Variants in HEATR3 observed in about 807,000 individuals in gnomAD.
HEATR3 encodes the protein HEAT repeat containing 3, also known as HEAT repeat-containing protein 3.
In HEATR3, 56 loss-of-function variants were observed where a neutral mutation model predicts 72.8. The observed-to-expected ratio is 0.77, with a 90% CI of 0.62 to 0.96. The LOEUF is 0.96. Ranked by LOEUF, HEATR3 falls within the 40% of genes least tolerant of loss-of-function variation. HEATR3 has a pLI of 0.00. For synonymous variants in HEATR3, 331 were observed against 318.1 expected, an observed-to-expected ratio of 1.04 and a Z score of -0.43; for missense variants, 747 against 831.4, an observed-to-expected ratio of 0.90 and a Z score of 1.25.
intron 4 of HEATR3, among the ~76,000 whole-genome samples, chr16:50,072,359 A>T (rs1353517851): frequency 2.0e-5 from 3 of 152,238 alleles, no homozygotes; most frequent in African/African-American, 7.2e-5. Context: ...TTCTATAAGG[A>T]AACTGGCATC....
chr16:50,094,800 G>A lies in HEATR3; in HGVS notation c.1599+7G>A. ...CTCCAAGAACATTTCCCAGGTAAGA[G>A]TTTTAAAATTTTTTGTATGAAACTT... On this transcript the variant is annotated splice_region_variant and intron_variant, in intron 12 of 14. Coordinates refer to ENST00000299192, the MANE Select transcript of HEATR3 (RefSeq NM_182922.4). 1 of 1,570,548 alleles carries A rather than the reference G, an allele frequency of 6.4e-7. No individual in the cohort carries two copies. Among genetic ancestry groups the A allele is most frequent in the African/African-American group, 1.4e-5 (1 of 73,368 alleles).
intron 12 of HEATR3, 30 bp downstream of exon 12, chr16:50,094,823 C>T (rs1302351505): frequency 7.1e-7 from 1 of 1,416,936 alleles, no homozygotes; most frequent in Admixed American, 2.0e-5. Flanking sequence ...TTGTATGAAA[C>T]TTGTAAAGAT....
rs1043768095 is a variant in HEATR3, at chr16:50,078,428, A to G, written c.764-313A>G. On this transcript the variant is annotated intron_variant, in intron 6 of 14. Transcript: ENST00000299192. ...TGCTGAGGAGAGCAGCTTAGGTTAC[A>G]ATGAAAGAAAGTGATGCCACTCACT... Among the ~76,000 whole-genome samples the G allele has an allele frequency of 4.6e-5, 7 of 152,196 alleles. No homozygotes were observed. The South Asian group carries it at 1.2e-3, about 27-fold the overall frequency.
At chr16:50,099,769 G>T (rs151090316) in intron 12 of HEATR3, among the ~76,000 whole-genome samples, 8 of 152,202 alleles carry the variant, frequency 5.3e-5, no homozygotes, top group South Asian at 2.1e-4. Context: ...TCCACTACAT[G>T]GTAGAAGCAC....
At chr16:50,070,458 G>T (rs1006977729) in intron 4 of HEATR3, among the ~76,000 whole-genome samples, 168 bp downstream of exon 4, 3 of 152,192 alleles carry the variant, frequency 2.0e-5, no homozygotes, top group Admixed American at 2.0e-4. Context: ...CCAGCACTTT[G>T]GGAGGCCGAG....
chr16:50,077,338 A>G (rs1048539548), intron 6 of HEATR3, among the ~76,000 whole-genome samples: 2 of 137,962 alleles, frequency 1.4e-5, no homozygotes, highest in Non-Finnish European at 3.1e-5. Context: ...TTTTTTTTGT[A>G]GAGATGGCAT....
chr16:50,076,353 A>G (rs570426799), intron 6 of HEATR3, among the ~76,000 whole-genome samples: 24 of 151,848 alleles, frequency 1.6e-4, no homozygotes, highest in African/African-American at 5.8e-4. Flanking sequence ...ACGCTCAGCT[A>G]ATTTCTGTAT....
chr16:50,080,974 T>C (rs72796149), intron 7 of HEATR3, among the ~76,000 whole-genome samples: 13,307 of 152,252 alleles, frequency 0.087, 678 homozygotes, highest in East Asian at 0.26. Context: ...TCCAAGGACC[T>C]TCTACAGGGA....
At chr16:50,069,535 C>T (rs1267538305) in intron 3 of HEATR3, among the ~76,000 whole-genome samples, 1 of 152,194 alleles carries the variant, frequency 6.6e-6, no homozygotes, top group Non-Finnish European at 1.5e-5. Context: ...TTGGTTGTTA[C>T]AGAGCTTGTG....
chr16:50,084,083 G>A (rs753768530), intron 8 of HEATR3, 51 bp from the exon 9 acceptor site: 9 of 1,613,818 alleles, frequency 5.6e-6, no homozygotes, highest in Non-Finnish European at 6.8e-6. Context: ...GGAAACTCCC[G>A]TGGAGATTTT....
chr16:50,076,688 CCA>C (rs2036736720), intron 6 of HEATR3, among the ~76,000 whole-genome samples: 1 of 151,004 alleles, frequency 6.6e-6, no homozygotes, highest in South Asian at 2.1e-4. Context: ...CAGGTGCATG[CCA>C]CCAGGACCAG....
intron 11 of HEATR3, among the ~76,000 whole-genome samples, chr16:50,093,812 C>T (rs1182959119): frequency 2.0e-5 from 3 of 152,034 alleles, no homozygotes; most frequent in African/African-American, 4.8e-5. Context: ...GGGCGGAAGT[C>T]GAGAGAAAAA....
chr16:50,077,806 C>G (rs927815672), intron 6 of HEATR3, among the ~76,000 whole-genome samples: 1 of 150,802 alleles, frequency 6.6e-6, no homozygotes, highest in Non-Finnish European at 1.5e-5. Context: ...ATCTCTTCAT[C>G]TGTTGATGGA....
At chr16:50,072,741 T>G in intron 5 of HEATR3, 27 bp downstream of exon 5, 1 of 1,360,846 alleles carries the variant, frequency 7.3e-7, no homozygotes, top group South Asian at 1.2e-5. Flanking sequence ...TGATGACTTA[T>G]TAAGAATGTG....
Position 50,105,286 on chromosome 16 carries a change from C to T in HEATR3, c.*225C>T, listed in dbSNP as rs561327959. 2.4e-4 allele frequency: 100 copies of T among 412,548 alleles called. No individual in the cohort carries two copies. Among genetic ancestry groups the T allele is most frequent in the Non-Finnish European group, 4.1e-4 (94 of 227,068 alleles). The allele number at this position is 412,548 out of a possible 1,614,324, so 25.6% of individuals were successfully genotyped here. A position where few individuals can be genotyped will look rare whatever the true frequency, so the allele number is the denominator to read the frequency against. ...ATCACTTGAGGTCAGGAGTTTGAGG[C>T]CAGCCTGGCCAACATGGTGAAACCG... On this transcript the variant is annotated 3_prime_UTR_variant, in exon 15 of 15. Coordinates refer to ENST00000299192, the MANE Select transcript of HEATR3 (RefSeq NM_182922.4).
chr16:50,066,580 T>C, intron 2 of HEATR3, 41 bp downstream of exon 2: 2 of 1,263,076 alleles, frequency 1.6e-6, no homozygotes, highest in Non-Finnish European at 9.9e-7. Context: ...ACCGCTGGCC[T>C]CCCCCGCGTC....
intron 6 of HEATR3, among the ~76,000 whole-genome samples, chr16:50,078,125 C>T (rs918705907): frequency 6.6e-6 from 1 of 152,078 alleles, no homozygotes; most frequent in Non-Finnish European, 1.5e-5. Context: ...GATCCTCCCA[C>T]CTTGGCCTCC....
Position 50,104,974 on chromosome 16 carries a change from TC to T in HEATR3, c.1957del (p.Gln653SerfsTer8). 1 of 1,612,292 alleles carries T rather than the reference TC, an allele frequency of 6.2e-7. No individual in the cohort carries two copies. The highest frequency in any genetic ancestry group is 8.5e-7 in the Non-Finnish European group (1 of 1,179,532). On this transcript the variant is annotated frameshift_variant, in exon 15 of 15. Transcript: ENST00000299192. LOFTEE classifies it high-confidence loss of function. Reference sequence around the variant, plus strand: ...AAGGGAGAGGTAACTATAGCACAGATCAGCTGTGTGTTCTTGACAATGTGAA... The same window carrying T: ...AAGGGAGAGGTAACTATAGCACAGATAGCTGTGTGTTCTTGACAATGTGAA... Reference protein sequence around the residue: ...KEGRGNYSTDQLCVLDNVKMN... With the variant: ...KEGRGNYSTDXLCVLDNVKMN...
chr16:50,081,651 T>C (rs1383739027), intron 7 of HEATR3, among the ~76,000 whole-genome samples: 1 of 152,174 alleles, frequency 6.6e-6, no homozygotes, highest in Non-Finnish European at 1.5e-5. Context: ...GAACACAAAT[T>C]ATATTCAGCT....
Sources: gnomAD v4.1 joint callset for allele counts (sites outside exome capture counted in the v4.1 genomes callset) on GRCh38, gnomAD v4.1.1 for gene constraint, MANE v1.5 for transcripts, NCBI Gene and HGNC (gene_info 2026-07-23, HGNC 2026-07-21) for gene names.